Variants in IMMP2L observed in about 807,000 individuals in gnomAD.
IMMP2L encodes inner mitochondrial membrane peptidase subunit 2.
A neutral mutation model predicts 19.3 loss-of-function variants in IMMP2L; 18 were observed. That is an observed-to-expected ratio of 0.93 (90% CI 0.64 to 1.38). The LOEUF (loss-of-function observed/expected upper bound fraction) is 1.38. Ranked by LOEUF, IMMP2L falls within the 40% of genes most tolerant of loss-of-function variation. IMMP2L has a pLI of 0.00. For missense variants in IMMP2L, 233 were observed against 218.2 expected (o/e 1.07, Z -0.43); for synonymous variants, 76 against 73.0 (o/e 1.04, Z -0.21).
intron 4 of IMMP2L, among the ~76,000 whole-genome samples, chr7:110,926,717 T>C (rs376071184): frequency 1.3e-5 from 2 of 152,294 alleles, no homozygotes; most frequent in South Asian, 2.1e-4. Context: ...TCCTGAAACA[T>C]GCTTTGGTGC....
intron 2 of IMMP2L, among the ~76,000 whole-genome samples, chr7:111,514,208 A>G (rs1585453030): frequency 6.6e-6 from 1 of 152,140 alleles, no homozygotes; most frequent in Non-Finnish European, 1.5e-5. Context: ...AAAGAAGGTA[A>G]CTATATGAAG....
At chr7:111,423,737 C>T (rs754032398) in intron 3 of IMMP2L, among the ~76,000 whole-genome samples, 1 of 151,612 alleles carries the variant, frequency 6.6e-6, no homozygotes, top group Non-Finnish European at 1.5e-5. Flanking sequence ...TCTAACATCA[C>T]AATTAAAAGA....
Position 111,305,266 on chromosome 7 carries a change from G to A in IMMP2L, c.239+181972C>T, listed in dbSNP as rs181370445. On this transcript the variant is annotated intron_variant, in intron 3 of 5. Coordinates refer to ENST00000405709, the MANE Select transcript of IMMP2L (RefSeq NM_032549.4). ...CTTTGTTTAGCAACCCAGAATAGCA[G>A]TAGTGTGAAGCTCAGTGGGATCAGC... Among the ~76,000 whole-genome samples, 634 of 152,228 alleles carry A rather than the reference G, an allele frequency of 4.2e-3. 7 individuals carry two copies. Among genetic ancestry groups the A allele is most frequent in the Middle Eastern group, 6.8e-3 (2 of 294 alleles).
At chr7:110,925,704 T>C (rs1313911746) in intron 4 of IMMP2L, among the ~76,000 whole-genome samples, 1 of 152,126 alleles carries the variant, frequency 6.6e-6, no homozygotes, top group East Asian at 1.9e-4. Context: ...CTGTGTCCTA[T>C]ATTGCTTAAT....
At chr7:111,355,209 T>C (rs1371656330) in intron 3 of IMMP2L, among the ~76,000 whole-genome samples, 1 of 151,850 alleles carries the variant, frequency 6.6e-6, no homozygotes, top group Non-Finnish European at 1.5e-5. Context: ...TAAAAGTTCC[T>C]TTATTTTTTA....
intron 3 of IMMP2L, among the ~76,000 whole-genome samples, chr7:111,474,533 T>C (rs1841554588): frequency 6.6e-6 from 1 of 151,994 alleles, no homozygotes; most frequent in Non-Finnish European, 1.5e-5. Flanking sequence ...TATGCTCTTA[T>C]TACTGCCTAA....
At chr7:111,139,879 A>G (rs1193095335) in intron 3 of IMMP2L, among the ~76,000 whole-genome samples, 1 of 152,158 alleles carries the variant, frequency 6.6e-6, no homozygotes, top group Non-Finnish European at 1.5e-5. Flanking sequence ...TCTTTCTCTG[A>G]CAAGATTGCC....
intron 3 of IMMP2L, among the ~76,000 whole-genome samples, chr7:111,035,414 AGTT>A (rs1297415384): frequency 1.3e-5 from 2 of 152,232 alleles, no homozygotes; most frequent in Non-Finnish European, 2.9e-5. Flanking sequence ...ATAACCTAGT[AGTT>A]AAGTACAGAT....
chr7:110,713,884 G>A (rs1324245792), intron 5 of IMMP2L, among the ~76,000 whole-genome samples: 2 of 152,088 alleles, frequency 1.3e-5, no homozygotes, highest in Non-Finnish European at 1.5e-5. Flanking sequence ...AGAGAAGTTC[G>A]ACTTCTTCTT....
At chr7:111,324,133 A>C (rs1430709176) in intron 3 of IMMP2L, among the ~76,000 whole-genome samples, 1 of 152,032 alleles carries the variant, frequency 6.6e-6, no homozygotes, top group Non-Finnish European at 1.5e-5. Context: ...CTAAAACTTA[A>C]AGTACAATAA....
chr7:111,101,875 GCAGT>G (rs1341208700), intron 3 of IMMP2L, among the ~76,000 whole-genome samples: 3 of 151,350 alleles, frequency 2.0e-5, no homozygotes, highest in Admixed American at 6.6e-5. Context: ...TCATTTCTTG[GCAGT>G]CAGGTGATAT....
intron 5 of IMMP2L, chr7:110,724,648 A>G (rs1271648993): frequency 6.6e-6 from 1 of 152,038 alleles, no homozygotes; most frequent in Non-Finnish European, 1.5e-5. Context: ...GGAAAGAGAT[A>G]TTTTAAAAAT....
chr7:111,193,209 A>G (rs1809090845), intron 3 of IMMP2L, among the ~76,000 whole-genome samples: 2 of 152,124 alleles, frequency 1.3e-5, no homozygotes, highest in Admixed American at 1.3e-4. Context: ...GACTAATGGG[A>G]AGAAATTAAA....
At chr7:111,070,133 GA>G (rs564038747) in intron 3 of IMMP2L, among the ~76,000 whole-genome samples, 72 of 150,450 alleles carry the variant, frequency 4.8e-4, no homozygotes, top group Non-Finnish European at 7.1e-4. Flanking sequence ...AATTGATAGT[GA>G]AAAAAAAATA....
intron 5 of IMMP2L, among the ~76,000 whole-genome samples, chr7:110,750,323 T>G (rs1055127002): frequency 6.6e-6 from 1 of 152,052 alleles, no homozygotes; most frequent in African/African-American, 2.4e-5. Flanking sequence ...TTTATTTCAC[T>G]TCCATAAAGG....
At chr7:111,333,201 A>G (rs578228271) in intron 3 of IMMP2L, among the ~76,000 whole-genome samples, 35 of 152,200 alleles carry the variant, frequency 2.3e-4, no homozygotes, top group Non-Finnish European at 4.6e-4. Flanking sequence ...CCAGTTGCAC[A>G]AACAAGGACT....
chr7:110,940,422 A>T (rs2129552942), intron 4 of IMMP2L, among the ~76,000 whole-genome samples: 1 of 152,300 alleles, frequency 6.6e-6, no homozygotes, highest in African/African-American at 2.4e-5. Context: ...TAATCAAAAA[A>T]TTATAAAATC....
chr7:111,160,467 G>C (rs1368489160), intron 3 of IMMP2L, among the ~76,000 whole-genome samples: 1 of 151,874 alleles, frequency 6.6e-6, no homozygotes, highest in African/African-American at 2.4e-5. Context: ...TTTAAGGCTG[G>C]TATGGTGAGT....
intron 3 of IMMP2L, among the ~76,000 whole-genome samples, chr7:111,035,896 C>G (rs1269792546): frequency 6.6e-6 from 1 of 152,020 alleles, no homozygotes; most frequent in Non-Finnish European, 1.5e-5. Flanking sequence ...TGAACTTGGG[C>G]AAGTTACCTC....
Sources: gnomAD v4.1 joint callset for allele counts (sites outside exome capture counted in the v4.1 genomes callset) on GRCh38, gnomAD v4.1.1 for gene constraint, MANE v1.5 for transcripts, NCBI Gene and HGNC (gene_info 2026-07-23, HGNC 2026-07-21) for gene names.